Variants in LAMC1 observed in about 807,000 individuals in gnomAD.
LAMC1 encodes the protein laminin subunit gamma 1, also known as laminin subunit gamma-1.
LAMC1 carries 38 observed loss-of-function variants against 173.6 expected under a neutral mutation model. That is an observed-to-expected ratio of 0.22 (90% CI 0.17 to 0.29). LAMC1 has a LOEUF of 0.29. LAMC1 is among the 10% of genes least tolerant of loss of function. The pLI, the probability that LAMC1 is intolerant of heterozygous loss-of-function variation, is 1.00. For missense variants in LAMC1, 1,824 were observed against 2,051.8 expected (o/e 0.89, Z 2.14); for synonymous variants, 746 against 749.1 (o/e 1.00, Z 0.07).
intron 1 of LAMC1, among the ~76,000 whole-genome samples, chr1:183,029,741 T>G (rs1476678231): frequency 6.6e-6 from 1 of 152,228 alleles, no homozygotes; most frequent in Non-Finnish European, 1.5e-5. Context: ...GTTTCTTTAC[T>G]TGTCTGTTTC....
chr1:183,061,892 G>A (rs1654753137), intron 1 of LAMC1, among the ~76,000 whole-genome samples: 1 of 152,148 alleles, frequency 6.6e-6, no homozygotes, highest in African/African-American at 2.4e-5. Flanking sequence ...AATCTAGTAA[G>A]GCAATTAAGA....
At chr1:183,092,340 G>A (rs1655585058) in intron 1 of LAMC1, among the ~76,000 whole-genome samples, 1 of 151,918 alleles carries the variant, frequency 6.6e-6, no homozygotes, top group Admixed American at 6.6e-5. Flanking sequence ...CATAAAAATT[G>A]CCTATGGTGC....
chr1:183,051,897 A>C (rs537149602), intron 1 of LAMC1, among the ~76,000 whole-genome samples: 2 of 152,290 alleles, frequency 1.3e-5, no homozygotes, highest in South Asian at 4.1e-4. Flanking sequence ...TGTCTAATGA[A>C]GGGAAGACAG....
Position 183,145,516 on chromosome 1 carries a change from G to A in LAMC1, c.*2726G>A, listed in dbSNP as rs1380976361. ...TGCTCTCCGGGGTGGTTAATAAAAT[G>A]CAACACTTGGCATTTTTATGTTTTA... On this transcript the variant is annotated 3_prime_UTR_variant, in exon 28 of 28. Coordinates refer to ENST00000258341, the MANE Select transcript of LAMC1 (RefSeq NM_002293.4). 1 of 152,460 alleles carries A rather than the reference G, an allele frequency of 6.6e-6. No homozygotes were observed. The highest frequency in any genetic ancestry group is 2.4e-5 in the African/African-American group (1 of 41,374). 9.4% of individuals were successfully genotyped at this position (152,460 alleles called of 1,614,324 possible). A position where few individuals can be genotyped will look rare whatever the true frequency, so the allele number is the denominator to read the frequency against.
At chr1:183,128,281 G>A (rs1656674533) in intron 17 of LAMC1, among the ~76,000 whole-genome samples, 1 of 152,096 alleles carries the variant, frequency 6.6e-6, no homozygotes, top group Admixed American at 6.6e-5. Context: ...TAAAGTCAAA[G>A]GAACAGCTCT....
At chr1:183,129,716 C>T (rs1656730775) in intron 18 of LAMC1, among the ~76,000 whole-genome samples, 2 of 152,036 alleles carry the variant, frequency 1.3e-5, no homozygotes, top group Admixed American at 6.6e-5. Context: ...TTATATTTAT[C>T]TTTTGATTTG....
intron 1 of LAMC1, among the ~76,000 whole-genome samples, chr1:183,041,151 C>G (rs544543611): frequency 3.9e-5 from 6 of 152,264 alleles, no homozygotes; most frequent in Admixed American, 1.3e-4. Flanking sequence ...TTATATTAAG[C>G]AAGTGGGGTG....
chr1:183,040,581 G>T (rs1654104052), intron 1 of LAMC1, among the ~76,000 whole-genome samples: 1 of 151,986 alleles, frequency 6.6e-6, no homozygotes, highest in African/African-American at 2.4e-5. Context: ...ATATAATGTG[G>T]CATCATTAGT....
intron 11 of LAMC1, among the ~76,000 whole-genome samples, chr1:183,120,620 G>A (rs758643987): frequency 3.3e-5 from 5 of 152,186 alleles, no homozygotes; most frequent in Non-Finnish European, 7.3e-5. Flanking sequence ...ATATGATGAT[G>A]TTACTGAGGC....
At chr1:183,051,749 C>T (rs1654433381) in intron 1 of LAMC1, among the ~76,000 whole-genome samples, 1 of 152,156 alleles carries the variant, frequency 6.6e-6, no homozygotes, top group Non-Finnish European at 1.5e-5. Flanking sequence ...ACTAGAGAGC[C>T]ATGGGAGAGG....
intron 1 of LAMC1, among the ~76,000 whole-genome samples, chr1:183,070,922 G>A (rs1571421289): frequency 6.6e-6 from 1 of 152,192 alleles, no homozygotes. Context: ...GTGTGCTGAT[G>A]TATTCCCTGT....
At chr1:183,045,887 G>C (rs908904298) in intron 1 of LAMC1, among the ~76,000 whole-genome samples, 4 of 151,960 alleles carry the variant, frequency 2.6e-5, no homozygotes, top group Admixed American at 2.0e-4. Flanking sequence ...ATAAAGGAGA[G>C]TATCTTTTCA....
chr1:183,050,560 G>A (rs1323458230), intron 1 of LAMC1, among the ~76,000 whole-genome samples: 2 of 143,790 alleles, frequency 1.4e-5, no homozygotes, highest in Non-Finnish European at 3.0e-5. Flanking sequence ...GGGATTACAG[G>A]CGTGAGCCAC....
At chr1:183,136,335 C>T in intron 24 of LAMC1, 51 bp from the exon 25 acceptor site, 1 of 1,540,352 alleles carries the variant, frequency 6.5e-7, no homozygotes, top group Non-Finnish European at 9.0e-7. Flanking sequence ...GAAAGGCCCC[C>T]TTTTTACTTG....
intron 1 of LAMC1, among the ~76,000 whole-genome samples, chr1:183,046,383 G>A (rs753118624): frequency 1.3e-5 from 2 of 151,986 alleles, no homozygotes; most frequent in Admixed American, 6.6e-5. Flanking sequence ...TTTGCATCTC[G>A]ATTGAAGTTG....
chr1:183,023,919 C>T lies in LAMC1; in HGVS notation c.203C>T (p.Thr68Met), dbSNP rs781767593. ...AACGTGACTGTGGTGGCCACCAACA[C>T]GTGTGGGACTCCGCCCGAGGAATAC... ...AFNVTVVATN[T>M]CGTPPEEYCV... The change falls in exon 1 of 28, where the codon ACG becomes ATG. Residue 68 changes from threonine to methionine, a missense_variant. Transcript: ENST00000258341. 3.1e-6 allele frequency: 5 copies of T among 1,613,248 alleles called. No homozygotes were observed. The highest frequency in any genetic ancestry group is 4.2e-6 in the Non-Finnish European group (5 of 1,179,948).
At chr1:183,111,578 A>C (rs1656154448) in intron 4 of LAMC1, among the ~76,000 whole-genome samples, 1 of 152,180 alleles carries the variant, frequency 6.6e-6, no homozygotes, top group African/African-American at 2.4e-5. Context: ...TCCCTTCATA[A>C]TGTCATGGTT....
chr1:183,113,501 A>G (rs1656223448), intron 4 of LAMC1, among the ~76,000 whole-genome samples: 1 of 152,242 alleles, frequency 6.6e-6, no homozygotes, highest in Admixed American at 6.5e-5. Flanking sequence ...TCAATAACTC[A>G]GAAAAAAATC....
intron 1 of LAMC1, among the ~76,000 whole-genome samples, chr1:183,046,897 A>G (rs181339751): frequency 6.6e-6 from 1 of 152,248 alleles, no homozygotes; most frequent in Non-Finnish European, 1.5e-5. Context: ...TATGTTTTAA[A>G]GTTTATCTCT....
Sources: gnomAD v4.1 joint callset for allele counts (sites outside exome capture counted in the v4.1 genomes callset) on GRCh38, gnomAD v4.1.1 for gene constraint, MANE v1.5 for transcripts, NCBI Gene and HGNC (gene_info 2026-07-23, HGNC 2026-07-21) for gene names.